ARMC2: variants seen among roughly 807,000 people sequenced by gnomAD.
The protein encoded by ARMC2 is armadillo repeat-containing protein 2.
A neutral mutation model predicts 90.3 loss-of-function variants in ARMC2; 67 were observed. That is an observed-to-expected ratio of 0.74 (90% CI 0.61 to 0.91). The LOEUF is 0.91. Ranked by LOEUF, ARMC2 falls within the 40% of genes least tolerant of loss-of-function variation. The probability of loss-of-function intolerance (pLI) is 0.00; values close to 1 mark genes in which losing one functional copy is unlikely to be tolerated. For missense variants in ARMC2, 920 were observed against 1,030.9 expected (o/e 0.89, Z 1.47); for synonymous variants, 393 against 393.0 (o/e 1.00, Z 0.00).
At chr6:108,919,717 A>G (rs1774358495) in intron 10 of ARMC2, among the ~76,000 whole-genome samples, 1 of 152,158 alleles carries the variant, frequency 6.6e-6, no homozygotes, top group Non-Finnish European at 1.5e-5. Flanking sequence ...CCCTACCCTT[A>G]TCAAGATACA....
At chr6:109,015,727 C>G in the ARMC2 span, among the ~76,000 whole-genome samples, 11 of 152,088 alleles carry the variant, frequency 7.2e-5, no homozygotes, top group African/African-American at 2.7e-4. Flanking sequence ...CTAGGCGCTA[C>G]TGAAGGTTTT....
intron 10 of ARMC2, among the ~76,000 whole-genome samples, chr6:108,924,473 G>A (rs945797935): frequency 6.7e-6 from 1 of 149,484 alleles, no homozygotes; most frequent in African/African-American, 2.5e-5. Flanking sequence ...AGCCGAGATC[G>A]AGACTCTGTC....
At chr6:108,973,233 T>C in intron 17 of ARMC2, 124 bp from the exon 18 acceptor site, 2 of 652,132 alleles carry the variant, frequency 3.1e-6, no homozygotes, top group East Asian at 5.6e-5. Context: ...TGAAATCCTG[T>C]CTTGTGTTAC....
chr6:108,975,532 T>C (rs1778966946), downstream of ARMC2, among the ~76,000 whole-genome samples: 1 of 152,170 alleles, frequency 6.6e-6, no homozygotes, highest in Admixed American at 6.5e-5. Context: ...GTAATGGGAT[T>C]GCTGGGTCAA....
chr6:109,002,470 G>T, the ARMC2 span: 1 of 689,280 alleles, frequency 1.5e-6, no homozygotes. Context: ...TGTTTTCATG[G>T]CTGTATATAC....
chr6:109,050,184 G>A, the ARMC2 span, among the ~76,000 whole-genome samples: 2 of 152,080 alleles, frequency 1.3e-5, no homozygotes, highest in African/African-American at 4.8e-5. Context: ...ATGGAAGGGA[G>A]GAACTTCAAA....
rs533213661 is a variant in ARMC2, at chr6:108,936,957, T to C, written c.1554T>C (p.Tyr518=). ...CTALASYSRC[Y]ALFLNLINKY... Reference sequence around the variant, plus strand: ...CCTTGGCCAGCTATTCCAGATGTTATGCCTTATTTCTGAATCTAATTAACA... The same window carrying C: ...CCTTGGCCAGCTATTCCAGATGTTACGCCTTATTTCTGAATCTAATTAACA... The change falls in exon 12 of 18, where the codon TAT becomes TAC. Residue 518 remains tyrosine (Y), a synonymous_variant. Transcript: ENST00000392644. 1.1e-4 allele frequency: 179 copies of C among 1,603,346 alleles called. No individual in the cohort carries two copies. The highest frequency in any genetic ancestry group is 1.1e-3 in the South Asian group (98 of 88,762).
chr6:108,878,816 C>T (rs1777184281), intron 5 of ARMC2, among the ~76,000 whole-genome samples: 1 of 152,216 alleles, frequency 6.6e-6, no homozygotes, highest in Admixed American at 6.5e-5. Flanking sequence ...TTCACCATCA[C>T]TTGCTTTGTA....
chr6:108,942,989 G>A (rs1037079928), intron 12 of ARMC2, among the ~76,000 whole-genome samples: 5 of 152,160 alleles, frequency 3.3e-5, no homozygotes, highest in East Asian at 1.9e-4. Context: ...TCTTATCAGC[G>A]GATGGGGAGC....
At chr6:108,937,318 C>A (rs887328706) in intron 12 of ARMC2, among the ~76,000 whole-genome samples, 1 of 152,088 alleles carries the variant, frequency 6.6e-6, no homozygotes, top group Admixed American at 6.5e-5. Context: ...GGGGGTATAA[C>A]CCCACCCCAA....
chr6:109,036,863 A>C, the ARMC2 span, among the ~76,000 whole-genome samples: 2 of 152,206 alleles, frequency 1.3e-5, no homozygotes, highest in African/African-American at 4.8e-5. Flanking sequence ...TAATTACAGT[A>C]AAATAATAAA....
At chr6:108,911,571 C>T (rs1283247308) in intron 9 of ARMC2, among the ~76,000 whole-genome samples, 1 of 151,972 alleles carries the variant, frequency 6.6e-6, no homozygotes, top group Admixed American at 6.5e-5. Context: ...TTCCATGCAG[C>T]AACATGGAAA....
chr6:108,868,036 A>C (rs1428483145), intron 3 of ARMC2, among the ~76,000 whole-genome samples: 1 of 152,196 alleles, frequency 6.6e-6, no homozygotes, highest in Non-Finnish European at 1.5e-5. Flanking sequence ...AACTTATTTA[A>C]AAATTTTGAT....
intron 12 of ARMC2, among the ~76,000 whole-genome samples, chr6:108,938,462 G>C (rs979735537): frequency 8.0e-5 from 12 of 150,870 alleles, no homozygotes; most frequent in Non-Finnish European, 1.6e-4. Context: ...CATGTGCTGG[G>C]ATTACAGGTG....
the ARMC2 span, among the ~76,000 whole-genome samples, chr6:108,983,946 C>A: frequency 6.6e-6 from 1 of 152,224 alleles, no homozygotes; most frequent in African/African-American, 2.4e-5. Context: ...CTGTTAGGAA[C>A]TGGCTGCACA....
At chr6:109,032,683 T>C in the ARMC2 span, among the ~76,000 whole-genome samples, 1 of 152,002 alleles carries the variant, frequency 6.6e-6, no homozygotes, top group African/African-American at 2.4e-5. Context: ...TGCTAAAATA[T>C]GGAAGAATAT....
intron 11 of ARMC2, among the ~76,000 whole-genome samples, chr6:108,931,415 T>A (rs1031813354): frequency 1.3e-5 from 2 of 151,900 alleles, no homozygotes; most frequent in East Asian, 3.9e-4. Flanking sequence ...GTAGAATGAT[T>A]TATTTTCCTC....
chr6:108,963,409 G>A (rs966387311), intron 15 of ARMC2, among the ~76,000 whole-genome samples: 9 of 152,140 alleles, frequency 5.9e-5, no homozygotes, highest in Admixed American at 2.6e-4. Context: ...ATTTTGCTGG[G>A]CACTATTTAG....
the ARMC2 span, among the ~76,000 whole-genome samples, chr6:109,028,572 C>G: frequency 1.3e-5 from 2 of 152,094 alleles, no homozygotes; most frequent in African/African-American, 4.8e-5. Context: ...TGCCTTTCTT[C>G]CGGGCAATAC....
Sources: gnomAD v4.1 joint callset for allele counts (sites outside exome capture counted in the v4.1 genomes callset) on GRCh38, gnomAD v4.1.1 for gene constraint, MANE v1.5 for transcripts, NCBI Gene and HGNC (gene_info 2026-07-23, HGNC 2026-07-21) for gene names.